The following VGLL4 variants were observed in gnomAD, a reference collection of about 807,000 sequenced individuals.
VGLL4 encodes vestigial like family member 4.
A neutral mutation model predicts 21.0 loss-of-function variants in VGLL4; 7 were observed. The observed-to-expected ratio is 0.33, with a 90% CI of 0.19 to 0.63. The LOEUF (loss-of-function observed/expected upper bound fraction) is 0.63. Ranked by LOEUF, VGLL4 falls within the 20% of genes least tolerant of loss-of-function variation. VGLL4 has a pLI of 0.78. For synonymous variants in VGLL4, 222 were observed against 173.2 expected, an observed-to-expected ratio of 1.28 and a Z score of -2.21; for missense variants, 394 against 425.7, an observed-to-expected ratio of 0.93 and a Z score of 0.66.
chr3:11,681,697 TTAA>T (rs2076373533), intron 2 of VGLL4, among the ~76,000 whole-genome samples: 1 of 152,262 alleles, frequency 6.6e-6, no homozygotes, highest in Non-Finnish European at 1.5e-5. Flanking sequence ...TAATATCTTT[TTAA>T]TGAAGGAAGG....
At chr3:11,652,713 T>C (rs1291920743) in intron 2 of VGLL4, among the ~76,000 whole-genome samples, 2 of 152,176 alleles carry the variant, frequency 1.3e-5, no homozygotes, top group African/African-American at 2.4e-5. Context: ...AGGAATGGTG[T>C]TTTAAATAAA....
chr3:11,560,629 C>T (rs1218716776), intron 3 of VGLL4, among the ~76,000 whole-genome samples: 2 of 152,182 alleles, frequency 1.3e-5, no homozygotes, highest in Non-Finnish European at 2.9e-5. Flanking sequence ...CAAGGATGAA[C>T]TGGGATTGAA....
intron 1 of VGLL4, among the ~76,000 whole-genome samples, chr3:11,636,398 ATGAG>A (rs1378073779): frequency 6.6e-6 from 1 of 152,242 alleles, no homozygotes. Flanking sequence ...AGAGCAATAC[ATGAG>A]TAATTCTTTT....
intron 3 of VGLL4, among the ~76,000 whole-genome samples, chr3:11,562,205 G>A (rs1198633362): frequency 6.6e-6 from 1 of 152,024 alleles, no homozygotes; most frequent in Non-Finnish European, 1.5e-5. Context: ...CCCTCAATGT[G>A]CGAAGCTTAA....
At position 11,559,339 on chromosome 3, in the gene VGLL4, T is replaced by C. The variant is rs1392652185; in HGVS notation, c.612A>G (p.Pro204=). The C allele has an allele frequency of 1.3e-6, 2 of 1,543,472 alleles. No individual in the cohort carries two copies. The highest frequency in any genetic ancestry group is 1.2e-5 in the South Asian group (1 of 83,058). ...GAGGCCCGGGACACTCACCGCTCGG[T>C]GGCCTCCGGTAGCTGGCAGGCCCGG... ...AAPGPASYRR[P]PSAATTCDPV... The change falls in exon 4 of 5, where the codon CCA becomes CCG. Residue 204 remains proline, a synonymous_variant. Coordinates refer to ENST00000430365, the MANE Select transcript of VGLL4 (RefSeq NM_001128219.3).
intron 2 of VGLL4, among the ~76,000 whole-genome samples, chr3:11,652,338 C>T (rs1282181329): frequency 6.6e-6 from 1 of 152,150 alleles, no homozygotes; most frequent in Non-Finnish European, 1.5e-5. Context: ...TAAATTGATG[C>T]CAAGTGATTA....
rs1026325847 is a variant in VGLL4 at position 11,568,918 on chromosome 3, G to C, written c.273-3899C>G. On this transcript the variant is annotated intron_variant, in intron 2 of 4. Coordinates refer to ENST00000430365, the MANE Select transcript of VGLL4 (RefSeq NM_001128219.3). This position sits in a 1 kb window ranked among gnomAD's most constrained non-coding sequence, Gnocchi z 5.9. ...CCCGGGCCTCATCCCCATCCTAGGC[G>C]GGCACTTCCACTGCCAGCTGCCCAC... is the stretch of plus-strand genomic sequence containing the variant. The C allele has an allele frequency of 4.7e-6, 6 of 1,267,338 alleles. No homozygotes were observed. The highest frequency in any genetic ancestry group is 6.0e-6 in the Non-Finnish European group (6 of 1,001,196). 78.5% of individuals were successfully genotyped at this position (1,267,338 alleles called of 1,614,324 possible).
chr3:11,703,086 CAG>C, intron 1 of VGLL4: 6 of 1,545,730 alleles, frequency 3.9e-6, no homozygotes, highest in Non-Finnish European at 2.6e-6. Context: ...ATAATTTAAA[CAG>C]AATTCAAAAG....
chr3:11,618,816 A>T (rs1180612877), intron 1 of VGLL4, among the ~76,000 whole-genome samples: 1 of 151,778 alleles, frequency 6.6e-6, no homozygotes, highest in Non-Finnish European at 1.5e-5. Flanking sequence ...AAGGTGAAGG[A>T]GGTTTCCCCA....
intron 1 of VGLL4, among the ~76,000 whole-genome samples, chr3:11,627,774 G>T (rs1165092091): frequency 6.6e-6 from 1 of 152,056 alleles, no homozygotes; most frequent in East Asian, 1.9e-4. Context: ...TGATATAACT[G>T]CCAAATGTAT....
At chr3:11,690,656 A>AAC (rs2076514209) in intron 2 of VGLL4, among the ~76,000 whole-genome samples, 1 of 152,194 alleles carries the variant, frequency 6.6e-6, no homozygotes, top group African/African-American at 2.4e-5. Flanking sequence ...GAGAAAAAAA[A>AAC]ACACATATAT....
chr3:11,656,183 A>G (rs557976795), intron 2 of VGLL4, among the ~76,000 whole-genome samples: 1 of 152,342 alleles, frequency 6.6e-6, no homozygotes, highest in African/African-American at 2.4e-5. Flanking sequence ...GAGAATAATG[A>G]GAACAGGCCT....
chr3:11,585,273 T>A (rs2125233215), intron 2 of VGLL4, among the ~76,000 whole-genome samples: 1 of 152,010 alleles, frequency 6.6e-6, no homozygotes, highest in Non-Finnish European at 1.5e-5. Context: ...CAGTCTCTAT[T>A]AAAAATACAA....
chr3:11,590,394 T>C (rs1429622544), intron 2 of VGLL4, among the ~76,000 whole-genome samples: 1 of 152,204 alleles, frequency 6.6e-6, no homozygotes, highest in Admixed American at 6.5e-5. Context: ...TGTTTCTATG[T>C]AGATTCATTA....
intron 2 of VGLL4, chr3:11,582,329 C>A (rs756345144): frequency 6.3e-7 from 1 of 1,594,548 alleles, no homozygotes. Flanking sequence ...AGCCCAGCGT[C>A]CTCCCACAAG....
At chr3:11,566,685 C>T (rs2073547036) in intron 2 of VGLL4, among the ~76,000 whole-genome samples, 1 of 152,212 alleles carries the variant, frequency 6.6e-6, no homozygotes, top group Non-Finnish European at 1.5e-5. Flanking sequence ...AGCCTCCCTC[C>T]TCCCCGTCCT....
intron 2 of VGLL4, among the ~76,000 whole-genome samples, chr3:11,600,066 T>C (rs2074754180): frequency 6.6e-6 from 1 of 152,198 alleles, no homozygotes; most frequent in Non-Finnish European, 1.5e-5. Flanking sequence ...TCTTACTCTC[T>C]ATCATCATAA....
rs1458870031 is a variant in VGLL4 at position 11,601,755 on chromosome 3, A to T, written c.272+78T>A. On this transcript the variant is annotated intron_variant, in intron 2 of 4. Coordinates refer to ENST00000430365, the MANE Select transcript of VGLL4 (RefSeq NM_001128219.3). ...TAAAGTATGCAAATGATAACATCAGAATTAGCACAAAGTTGCAAAACAAAT... is the reference window on the plus strand; with the variant it reads ...TAAAGTATGCAAATGATAACATCAGTATTAGCACAAAGTTGCAAAACAAAT... The T allele has an allele frequency of 3.4e-6, 5 of 1,478,898 alleles. No homozygotes were observed. The East Asian group carries it at 1.2e-4, about 34-fold the overall frequency. The allele number at this position is 1,478,898 out of a possible 1,614,324, so 91.6% of individuals were successfully genotyped here. A position where few individuals can be genotyped will look rare whatever the true frequency, so the allele number is the denominator to read the frequency against.
chr3:11,642,952 G>C (rs1384288865), intron 1 of VGLL4, among the ~76,000 whole-genome samples: 1 of 152,138 alleles, frequency 6.6e-6, no homozygotes, highest in Non-Finnish European at 1.5e-5. Flanking sequence ...ATTCTCCGCT[G>C]TTTGGGACGC....
Sources: gnomAD v4.1 joint callset for allele counts (sites outside exome capture counted in the v4.1 genomes callset) on GRCh38, gnomAD v4.1.1 for gene constraint, Gnocchi (gnomAD v3.1) non-coding constraint, MANE v1.5 for transcripts, NCBI Gene and HGNC (gene_info 2026-07-23, HGNC 2026-07-21) for gene names.